The following LCAT variants were observed in gnomAD, a reference collection of about 807,000 sequenced individuals.
The protein encoded by LCAT is phosphatidylcholine-sterol acyltransferase.
A neutral mutation model predicts 41.0 loss-of-function variants in LCAT; 15 were observed. That is an observed-to-expected ratio of 0.37 (90% CI 0.24 to 0.56). The LOEUF is 0.56. Ranked by LOEUF, LCAT falls within the 20% of genes least tolerant of loss-of-function variation. LCAT has a pLI of 0.81. For synonymous variants in LCAT, 248 were observed against 245.4 expected (o/e 1.01, Z -0.10); for missense variants, 449 against 595.1 (o/e 0.75, Z 2.55).
chr16:67,942,397 AC>A lies in LCAT; in HGVS notation c.713del (p.Gly238ValfsTer26). 6.2e-7 allele frequency: 1 copy of A among 1,613,864 alleles called. No homozygotes were observed. The highest frequency in any genetic ancestry group is 8.5e-7 in the Non-Finnish European group (1 of 1,179,976). On this transcript the variant is annotated frameshift_variant, in exon 5 of 6. Coordinates refer to ENST00000264005, the MANE Select transcript of LCAT (RefSeq NM_000229.2). LOFTEE classifies it high-confidence loss of function. This position sits in a 1 kb window ranked among gnomAD's most constrained non-coding sequence, Gnocchi z 6.6. The stretch of plus-strand genomic sequence containing the variant: ...AGACCAGCATGGGCTTGATGGAGCC[AC>A]CCCAGGGAGCCCCAAGAGAGATGAA... ...DGFISLGAPW[G>X]GSIKPMLVLA... is the part of the protein sequence containing the mutation.
Position 67,943,276 on chromosome 16 carries a change from C to T in LCAT, c.155-64G>A. 4 of 1,577,054 alleles carry T rather than the reference C, an allele frequency of 2.5e-6. No individual in the cohort carries two copies. Among genetic ancestry groups the T allele is most frequent in the Non-Finnish European group, 3.5e-6 (4 of 1,153,506 alleles). On this transcript the variant is annotated intron_variant, in intron 1 of 5. Transcript: ENST00000264005. The surrounding 1 kb of genome is among the most constrained non-coding windows in gnomAD (Gnocchi z 4.6). ...CCCGTGACCCTTACCCCCGTCACCC[C>T]AGATGCTGCAGTGACCAGACCCACC...
Position 67,942,445 on chromosome 16 carries a change from C to T in LCAT, c.666G>A (p.Trp222Ter). 1 of 1,614,016 alleles carries T rather than the reference C, an allele frequency of 6.2e-7. No individual in the cohort carries two copies. The highest frequency in any genetic ancestry group is 8.5e-7 in the Non-Finnish European group (1 of 1,180,002). The change falls in exon 5 of 6, where the codon TGG becomes TGA. Residue 222 changes from tryptophan (W) to a stop codon, truncating the protein, a stop_gained. Transcript: ENST00000264005. LOFTEE classifies it high-confidence loss of function. This position sits in a 1 kb window ranked among gnomAD's most constrained non-coding sequence, Gnocchi z 6.6. Reference sequence around the variant, plus strand: ...TGAAGCCATCAATAAAGCGGTCCTTCCAGGCCTGGGGCTGGCGCAGCAGGA... The same window carrying T: ...TGAAGCCATCAATAAAGCGGTCCTTTCAGGCCTGGGGCTGGCGCAGCAGGA... ...LYFLLRQPQA[W>*]KDRFIDGFIS...
chr16:67,941,814 T>C, intron 5 of LCAT: 1 of 1,027,200 alleles, frequency 9.7e-7, no homozygotes, highest in South Asian at 3.7e-5. Context: ...CAAGATGGTG[T>C]CTGTTTGATG....
In LCAT at chr16:67,943,383, C is replaced by T. The variant is rs1445966553; in HGVS notation, c.155-171G>A. On this transcript the variant is annotated intron_variant, in intron 1 of 5. Transcript: ENST00000264005. The surrounding 1 kb of genome is among the most constrained non-coding windows in gnomAD (Gnocchi z 4.6). ...TACACCCCCTCTCCCTGCTGTCCCC[C>T]CAGTAGCCAAAGCCCAGGCTTCCCT... 1.5e-5 allele frequency: 10 copies of T among 677,628 alleles called. No individual in the cohort carries two copies. The highest frequency in any genetic ancestry group is 2.6e-5 in the Non-Finnish European group (10 of 383,982). 42.0% of individuals were successfully genotyped at this position (677,628 alleles called of 1,614,324 possible).
chr16:67,943,319 T>G lies in LCAT; in HGVS notation c.155-107A>C. ...GACCCACCCCCCACCTCCCATACCC[T>G]CAACCCCCAGGTACAAAGCACACTT... is the stretch of plus-strand genomic sequence containing the variant. On this transcript the variant is annotated intron_variant, in intron 1 of 5. Transcript: ENST00000264005. The surrounding 1 kb of genome is among the most constrained non-coding windows in gnomAD (Gnocchi z 4.6). The G allele has an allele frequency of 1.0e-6, 1 of 967,868 alleles. No homozygotes were observed. Among genetic ancestry groups the G allele is most frequent in the Non-Finnish European group, 1.5e-6 (1 of 673,882 alleles). The allele number at this position is 967,868 out of a possible 1,614,324, so 60.0% of individuals were successfully genotyped here. A position where few individuals can be genotyped will look rare whatever the true frequency, so the allele number is the denominator to read the frequency against.
chr16:67,939,898 A>G lies in LCAT; in HGVS notation c.*6T>C. Reference sequence around the variant, plus strand: ...CATCAGGGCTTACGGTAGCAAAGGAAGGTCTTTATTCAGGAGGCGGGGGCT... The same window carrying G: ...CATCAGGGCTTACGGTAGCAAAGGAGGGTCTTTATTCAGGAGGCGGGGGCT... On this transcript the variant is annotated 3_prime_UTR_variant, in exon 6 of 6. Transcript: ENST00000264005. The G allele has an allele frequency of 6.2e-7, 1 of 1,610,134 alleles. No individual in the cohort carries two copies. Among genetic ancestry groups the G allele is most frequent in the Non-Finnish European group, 8.5e-7 (1 of 1,177,544 alleles).
Position 67,942,106 on chromosome 16 carries a change from C to G in LCAT, c.748+257G>C. 1 of 1,390,926 alleles carries G rather than the reference C, an allele frequency of 7.2e-7. No homozygotes were observed. The highest frequency in any genetic ancestry group is 2.8e-5 in the East Asian group (1 of 35,132). 86.2% of individuals were successfully genotyped at this position (1,390,926 alleles called of 1,614,324 possible). On this transcript the variant is annotated intron_variant, in intron 5 of 5. Coordinates refer to ENST00000264005, the MANE Select transcript of LCAT (RefSeq NM_000229.2). The surrounding 1 kb of genome is among the most constrained non-coding windows in gnomAD (Gnocchi z 6.6). ...AGGCTCTGGGGCTACAAGAACAAACCCTGGGAGCAGATAGCTGGGATTCAC... is the reference window on the plus strand; with the variant it reads ...AGGCTCTGGGGCTACAAGAACAAACGCTGGGAGCAGATAGCTGGGATTCAC...
chr16:67,939,968 C>A lies in LCAT; in HGVS notation c.1259G>T (p.Gly420Val). 2 of 1,613,664 alleles carry A rather than the reference C, an allele frequency of 1.2e-6. No homozygotes were observed. The highest frequency in any genetic ancestry group is 1.7e-6 in the Non-Finnish European group (2 of 1,180,014). ...TLEHINAILLGAYRQGPPASP... is the reference protein window; with the variant it reads ...TLEHINAILLVAYRQGPPASP... ...TGCAGGGGGACCCTGGCGGTAGGCA[C>A]CCAGCAGGATGGCATTGATGTGCTC... is the stretch of plus-strand genomic sequence containing the variant. The change falls in exon 6 of 6, where the codon GGT (glycine) becomes GTT (valine). Residue 420 changes from glycine to valine, a missense_variant. Transcript: ENST00000264005.
Position 67,943,330 on chromosome 16 carries a change from G to T in LCAT, c.155-118C>A. 1 of 964,222 alleles carries T rather than the reference G, an allele frequency of 1.0e-6. No individual in the cohort carries two copies. The highest frequency in any genetic ancestry group is 1.6e-6 in the Non-Finnish European group (1 of 629,950). 59.7% of individuals were successfully genotyped at this position (964,222 alleles called of 1,614,324 possible). A position where few individuals can be genotyped will look rare whatever the true frequency, so the allele number is the denominator to read the frequency against. On this transcript the variant is annotated intron_variant, in intron 1 of 5. Transcript: ENST00000264005. This position sits in a 1 kb window ranked among gnomAD's most constrained non-coding sequence, Gnocchi z 4.6. Reference sequence around the variant, plus strand: ...CACCTCCCATACCCTCAACCCCCAGGTACAAAGCACACTTACCCTCCCCTG... The same window carrying T: ...CACCTCCCATACCCTCAACCCCCAGTTACAAAGCACACTTACCCTCCCCTG...
At chr16:67,940,529 G>C in intron 5 of LCAT, 51 bp from the exon 6 acceptor site, 2 of 1,609,094 alleles carry the variant, frequency 1.2e-6, no homozygotes, top group South Asian at 1.1e-5. Context: ...GCTACCCCTG[G>C]CCCACAACCT....
rs766209201 is a variant in LCAT, at chr16:67,942,929, A to G, written c.359T>C (p.Val120Ala). 5.6e-6 allele frequency: 9 copies of G among 1,613,886 alleles called. No individual in the cohort carries two copies. Among genetic ancestry groups the G allele is most frequent in the Non-Finnish European group, 6.8e-6 (8 of 1,179,970 alleles). ...GCCAAAGCCAGGGACGCGGATCTGG[A>G]CACCAGGGGCGTTGGACACGAGCCC... ...SSGLVSNAPG[V>A]QIRVPGFGKT... Residue 120 changes from valine (V) to alanine (A), a missense_variant, in exon 3 of 6, where the codon GTC (valine) becomes GCC (alanine). Coordinates refer to ENST00000264005, the MANE Select transcript of LCAT (RefSeq NM_000229.2). This position sits in a 1 kb window ranked among gnomAD's most constrained non-coding sequence, Gnocchi z 6.6.
Position 67,940,292 on chromosome 16 carries a change from T to C in LCAT, c.935A>G (p.Glu312Gly). The C allele has an allele frequency of 1.2e-6, 2 of 1,614,008 alleles. No homozygotes were observed. The highest frequency in any genetic ancestry group is 1.7e-6 in the Non-Finnish European group (2 of 1,180,000). ...CTGCAGCCACATGTACCAGCCTTCC[T>C]CAAAGTGCAGGTCTGCAAAGAAGCG... Reference protein sequence around the residue: ...FQRFFADLHFEEGWYMWLQSR... With the variant: ...FQRFFADLHFGEGWYMWLQSR... The change falls in exon 6 of 6, where the codon GAG becomes GGG. Residue 312 changes from glutamate (E) to glycine (G), a missense_variant. Glu to Gly is a moderately conservative substitution (Grantham distance 98, BLOSUM62 -2). Transcript: ENST00000264005.
rs2151321768 is a variant in LCAT at position 67,943,733 on chromosome 16, C to T, written c.154+215G>A. 2 of 580,712 alleles carry T rather than the reference C, an allele frequency of 3.4e-6. No individual in the cohort carries two copies. The highest frequency in any genetic ancestry group is 3.2e-5 in the Admixed American group (1 of 31,606). The allele number at this position is 580,712 out of a possible 1,614,324, so 36.0% of individuals were successfully genotyped here. A position where few individuals can be genotyped will look rare whatever the true frequency, so the allele number is the denominator to read the frequency against. On this transcript the variant is annotated intron_variant, in intron 1 of 5. Coordinates refer to ENST00000264005, the MANE Select transcript of LCAT (RefSeq NM_000229.2). This position sits in a 1 kb window ranked among gnomAD's most constrained non-coding sequence, Gnocchi z 4.6. ...GGCACACCCCGTCCCCCACTCCGCC[C>T]CCCCTGGGTTAGACAACTGAGAGTC... is the stretch of plus-strand genomic sequence containing the variant.
rs1212889929 is a variant in LCAT, at chr16:67,943,157, C to G, written c.210G>C (p.Val70=). 6.2e-7 allele frequency: 1 copy of G among 1,613,820 alleles called. No homozygotes were observed. Among genetic ancestry groups the G allele is most frequent in the Non-Finnish European group, 8.5e-7 (1 of 1,179,964 alleles). ...CTGTCTTGCGGTAGCACATCCAGTT[C>G]ACCACATCTGGTTTGTCCAGCTTGG... is the stretch of plus-strand genomic sequence containing the variant. The part of the protein sequence containing the change: ...LEAKLDKPDV[V]NWMCYRKTED... The change falls in exon 2 of 6, where the codon GTG becomes GTC. Residue 70 remains valine (V), a synonymous_variant. Coordinates refer to ENST00000264005, the MANE Select transcript of LCAT (RefSeq NM_000229.2). This position sits in a 1 kb window ranked among gnomAD's most constrained non-coding sequence, Gnocchi z 4.6.
In LCAT at chr16:67,944,009, G is replaced by A. The variant is rs933227105; in HGVS notation, c.93C>T (p.Leu31=). The change falls in exon 1 of 6, where the codon CTC becomes CTT. Residue 31 remains leucine, a synonymous_variant. Transcript: ENST00000264005. The surrounding 1 kb of genome is among the most constrained non-coding windows in gnomAD (Gnocchi z 6.6). The part of the protein sequence containing the change: ...PAAPFWLLNV[L]FPPHTTPKAE... ...CCTTGGGCGTGGTGTGCGGGGGGAA[G>A]AGCACATTGAGGAGCCAGAAGGGGG... is the stretch of plus-strand genomic sequence containing the variant. 3.9e-6 allele frequency: 6 copies of A among 1,548,272 alleles called. No individual in the cohort carries two copies. In the African/African-American group the frequency reaches 6.9e-5, roughly 18 times the overall value.
chr16:67,943,167 G>C lies in LCAT; in HGVS notation c.200C>G (p.Pro67Arg). 2 of 1,613,878 alleles carry C rather than the reference G, an allele frequency of 1.2e-6. No homozygotes were observed. The highest frequency in any genetic ancestry group is 1.7e-6 in the Non-Finnish European group (2 of 1,179,956). ...GNQLEAKLDKPDVVNWMCYRK... is the reference protein window; with the variant it reads ...GNQLEAKLDKRDVVNWMCYRK... ...GTAGCACATCCAGTTCACCACATCT[G>C]GTTTGTCCAGCTTGGCTTCTAGCTG... The change falls in exon 2 of 6, where the codon CCA becomes CGA. Residue 67 changes from proline (P) to arginine (R), a missense_variant. Coordinates refer to ENST00000264005, the MANE Select transcript of LCAT (RefSeq NM_000229.2). The surrounding 1 kb of genome is among the most constrained non-coding windows in gnomAD (Gnocchi z 4.6).
Position 67,942,552 on chromosome 16 carries a change from G to A in LCAT, c.559C>T (p.Leu187=). The A allele has an allele frequency of 6.2e-7, 1 of 1,613,540 alleles. No individual in the cohort carries two copies. The highest frequency in any genetic ancestry group is 1.1e-5 in the South Asian group (1 of 91,092). The change falls in exon 5 of 6, where the codon CTG becomes TTG. Residue 187 remains leucine, a synonymous_variant. Transcript: ENST00000264005. This position sits in a 1 kb window ranked among gnomAD's most constrained non-coding sequence, Gnocchi z 6.6. ...TAGGCAGCGTGCATCTCCTCCACCA[G>A]CCCTGCGAGCTTGCGGTAGTACTCC... ...QEEYYRKLAG[L]VEEMHAAYGK...
rs1598202181 is a variant in LCAT, at chr16:67,939,817, T to G, written c.*87A>C. On this transcript the variant is annotated 3_prime_UTR_variant, in exon 6 of 6. Coordinates refer to ENST00000264005, the MANE Select transcript of LCAT (RefSeq NM_000229.2). ...CACACAGCACTGAGCCTGTGGCTGG[T>G]GAGGAGTGAAACCTAGTGTGGGACT... 1.1e-4 allele frequency: 166 copies of G among 1,553,424 alleles called. No individual in the cohort carries two copies. The highest frequency in any genetic ancestry group is 1.4e-4 in the East Asian group (6 of 44,126).
Position 67,943,162 on chromosome 16 carries a change from C to A in LCAT, c.205G>T (p.Val69Leu), listed in dbSNP as rs772109225. The change falls in exon 2 of 6, where the codon GTG becomes TTG. Residue 69 changes from valine to leucine, a missense_variant. Transcript: ENST00000264005. This position sits in a 1 kb window ranked among gnomAD's most constrained non-coding sequence, Gnocchi z 4.6. ...QLEAKLDKPD[V>L]VNWMCYRKTE... The stretch of plus-strand genomic sequence containing the variant: ...TTGCGGTAGCACATCCAGTTCACCA[C>A]ATCTGGTTTGTCCAGCTTGGCTTCT... 1 of 1,613,890 alleles carries A rather than the reference C, an allele frequency of 6.2e-7. No homozygotes were observed. Among genetic ancestry groups the A allele is most frequent in the Non-Finnish European group, 8.5e-7 (1 of 1,179,952 alleles).
Sources: gnomAD v4.1 joint callset for allele counts on GRCh38, gnomAD v4.1.1 for gene constraint, Gnocchi (gnomAD v3.1) non-coding constraint, MANE v1.5 for transcripts, NCBI Gene and HGNC (gene_info 2026-07-23, HGNC 2026-07-21) for gene names.